Variants in RBFOX3 observed in about 807,000 individuals in gnomAD.
The protein encoded by RBFOX3 is RNA binding fox-1 homolog 3.
Under a neutral mutation model 48.7 loss-of-function variants are expected in RBFOX3, and 17 were observed. The observed-to-expected ratio is 0.35, with a 90% CI of 0.24 to 0.52. RBFOX3 has a LOEUF of 0.52. Among genes scored for constraint, RBFOX3 ranks in the 20% least tolerant of loss-of-function variants. The pLI is 0.94. For missense variants in RBFOX3, 382 were observed against 497.5 expected, an observed-to-expected ratio of 0.77 and a Z score of 2.21; for synonymous variants, 212 against 209.5, an observed-to-expected ratio of 1.01 and a Z score of -0.10.
chr17:79,141,811 G>A (rs1433081988), intron 4 of RBFOX3, among the ~76,000 whole-genome samples: 12 of 152,146 alleles, frequency 7.9e-5, no homozygotes, highest in Middle Eastern at 3.2e-3. Flanking sequence ...CCCCCCGGTC[G>A]CAAGCAAAAC....
In RBFOX3 at chr17:79,292,038, GCT is replaced by G. The variant is rs976921060; in HGVS notation, c.-74+15684_-74+15685del. ...TAGGACCCCCAAAGCCAGCCACGGA[GCT>G]CTCTCACCAATTTACCCCACCCCTC... is the stretch of plus-strand genomic sequence containing the variant. On this transcript the variant is annotated intron_variant, in intron 3 of 14. Coordinates refer to ENST00000693108, the MANE Select transcript of RBFOX3 (RefSeq NM_001350451.2). Among the ~76,000 whole-genome samples the G allele has an allele frequency of 2.7e-4, 41 of 152,082 alleles. 2 individuals carry two copies. Among genetic ancestry groups the G allele is most frequent in the Non-Finnish European group, 2.1e-4 (14 of 68,028 alleles).
Position 79,104,087 on chromosome 17 carries a change from C to T in RBFOX3, c.400G>A (p.Glu134Lys). The change falls in exon 7 of 15, where the codon GAG (glutamate) becomes AAG (lysine). Residue 134 changes from glutamate (E) to lysine (K), a missense_variant. Glu to Lys is a moderately conservative substitution (Grantham distance 56). Transcript: ENST00000693108. ...KILDVEIIFN[E>K]RGSKGFGFVT... ...GCGGCACCCACCTTGGAGCCCCGCTCGTTAAAAATGATCTCCACGTCTAAA... is the reference window on the plus strand; with the variant it reads ...GCGGCACCCACCTTGGAGCCCCGCTTGTTAAAAATGATCTCCACGTCTAAA... The T allele has an allele frequency of 6.4e-7, 1 of 1,551,134 alleles. No homozygotes were observed. Among genetic ancestry groups the T allele is most frequent in the East Asian group, 2.4e-5 (1 of 40,906 alleles).
intron 3 of RBFOX3, among the ~76,000 whole-genome samples, chr17:79,273,654 G>A (rs1176132829): frequency 6.6e-6 from 1 of 152,152 alleles, no homozygotes; most frequent in African/African-American, 2.4e-5. Context: ...GCACATAGGT[G>A]GTCCCAAGAT....
At position 79,212,409 on chromosome 17, in the gene RBFOX3, T is replaced by G. The variant is rs1006690171; in HGVS notation, c.-34+23357A>C. On this transcript the variant is annotated intron_variant, in intron 4 of 14. Transcript: ENST00000693108. The surrounding 1 kb of genome is among the most constrained non-coding windows in gnomAD (Gnocchi z 4.7). Reference sequence around the variant, plus strand: ...CCTTCCTTCCCTCCTGCAGCCGGGCTCCTGGCGCTGCCCGTTCCCAATTTC... The same window carrying G: ...CCTTCCTTCCCTCCTGCAGCCGGGCGCCTGGCGCTGCCCGTTCCCAATTTC... Among the ~76,000 whole-genome samples, 5 of 152,106 alleles carry G rather than the reference T, an allele frequency of 3.3e-5. No individual in the cohort carries two copies. The highest frequency in any genetic ancestry group is 7.4e-5 in the Non-Finnish European group (5 of 67,968).
intron 3 of RBFOX3, among the ~76,000 whole-genome samples, chr17:79,275,123 CCTCT>C (rs368963249): frequency 0.23 from 30,413 of 130,466 alleles, 3,608 homozygotes; most frequent in African/African-American, 0.29. Flanking sequence ...TCCATGTCTC[CCTCT>C]CTCTCTCTCT....
At chr17:79,352,961 G>T (rs999375707) in intron 2 of RBFOX3, among the ~76,000 whole-genome samples, 7 of 152,214 alleles carry the variant, frequency 4.6e-5, no homozygotes, top group African/African-American at 1.7e-4. Flanking sequence ...GCAGACAGAT[G>T]GGAAAGTTTG....
At chr17:79,234,318 A>T (rs1329180441) in intron 4 of RBFOX3, 1 of 152,244 alleles carries the variant, frequency 6.6e-6, no homozygotes, top group Admixed American at 6.5e-5. Flanking sequence ...TCTAGGACGG[A>T]AGCACCCGGC....
chr17:79,140,449 G>A lies in RBFOX3; in HGVS notation c.-33-24701C>T, dbSNP rs560489151. ...ATCACACACCTGTCTCCAGGTGCAT[G>A]TGTGGGCCAGACACAGCGTGTGCCA... On this transcript the variant is annotated intron_variant, in intron 4 of 14. Transcript: ENST00000693108. Among the ~76,000 whole-genome samples the A allele has an allele frequency of 2.0e-5, 3 of 152,386 alleles. No individual in the cohort carries two copies. The East Asian group carries it at 5.8e-4, about 29-fold the overall frequency.
intron 3 of RBFOX3, among the ~76,000 whole-genome samples, chr17:79,274,860 T>C (rs904097535): frequency 6.6e-6 from 1 of 151,976 alleles, no homozygotes; most frequent in Admixed American, 6.6e-5. Context: ...CTCTCAGCCC[T>C]GCCTCCAAAA....
intron 3 of RBFOX3, among the ~76,000 whole-genome samples, chr17:79,271,945 G>C (rs2067800632): frequency 6.6e-6 from 1 of 152,178 alleles, no homozygotes; most frequent in South Asian, 2.1e-4. Context: ...GGCCACAGAG[G>C]GCCGGCCAGT....
At chr17:79,268,676 C>T (rs896113331) in intron 3 of RBFOX3, among the ~76,000 whole-genome samples, 17 of 152,204 alleles carry the variant, frequency 1.1e-4, no homozygotes, top group African/African-American at 3.1e-4. Flanking sequence ...CTCCAGCCCC[C>T]GTGTGATGAC....
intron 1 of RBFOX3, among the ~76,000 whole-genome samples, chr17:79,547,291 A>G (rs1269357473): frequency 6.6e-6 from 1 of 152,086 alleles, no homozygotes; most frequent in Non-Finnish European, 1.5e-5. Context: ...TACTAAAACT[A>G]CAAAAATTAG....
chr17:79,324,622 C>T (rs190299408), intron 2 of RBFOX3, among the ~76,000 whole-genome samples: 89 of 152,328 alleles, frequency 5.8e-4, no homozygotes, highest in African/African-American at 2.0e-3. Flanking sequence ...CTCTGCTCCT[C>T]AGAAAGCCTC....
At chr17:79,169,841 G>A (rs1412672005) in intron 4 of RBFOX3, among the ~76,000 whole-genome samples, 6 of 152,034 alleles carry the variant, frequency 3.9e-5, no homozygotes, top group African/African-American at 9.7e-5. Flanking sequence ...CCACGGAACC[G>A]TATACTTCAT....
At chr17:79,560,211 A>C (rs890838566) in intron 1 of RBFOX3, among the ~76,000 whole-genome samples, 4 of 152,064 alleles carry the variant, frequency 2.6e-5, no homozygotes, top group African/African-American at 9.7e-5. Flanking sequence ...GACTGGGCTG[A>C]AATGGTTGCT....
chr17:79,335,811 C>T (rs994140978), intron 2 of RBFOX3, among the ~76,000 whole-genome samples: 4 of 152,190 alleles, frequency 2.6e-5, no homozygotes, highest in Non-Finnish European at 4.4e-5. Flanking sequence ...TCCCTGGCAC[C>T]GCACACTCAG....
At chr17:79,289,334 T>C (rs2072751848) in intron 3 of RBFOX3, among the ~76,000 whole-genome samples, 1 of 152,226 alleles carries the variant, frequency 6.6e-6, no homozygotes, top group Non-Finnish European at 1.5e-5. Flanking sequence ...CAGGCCTGTT[T>C]CTGCCCCGGC....
At chr17:79,096,223 C>T (rs1053976019) in intron 12 of RBFOX3, among the ~76,000 whole-genome samples, 2 of 152,140 alleles carry the variant, frequency 1.3e-5, no homozygotes, top group African/African-American at 2.4e-5. Context: ...GAAAGGCCAC[C>T]GGACCCCATC....
At chr17:79,240,641 C>G (rs990729687) in intron 3 of RBFOX3, among the ~76,000 whole-genome samples, 9 of 152,168 alleles carry the variant, frequency 5.9e-5, no homozygotes, top group African/African-American at 2.2e-4. Flanking sequence ...TTCTCCTGGT[C>G]TGTTTCACTT....
Sources: gnomAD v4.1 joint callset for allele counts (sites outside exome capture counted in the v4.1 genomes callset) on GRCh38, gnomAD v4.1.1 for gene constraint, Gnocchi (gnomAD v3.1) non-coding constraint, MANE v1.5 for transcripts, NCBI Gene and HGNC (gene_info 2026-07-23, HGNC 2026-07-21) for gene names.